Variants in NSG2 observed in about 807,000 individuals in gnomAD.
The protein encoded by NSG2 is neuronal vesicle trafficking associated 2.
NSG2 carries 4 observed loss-of-function variants against 16.9 expected under a neutral mutation model. The observed-to-expected ratio is 0.24, with a 90% CI of 0.12 to 0.54. The LOEUF (loss-of-function observed/expected upper bound fraction) is 0.54. NSG2 is among the 20% of genes least tolerant of loss of function. NSG2 has a pLI of 0.95. For synonymous variants in NSG2, 98 were observed against 88.7 expected (o/e 1.11, Z -0.59); for missense variants, 179 against 221.1 (o/e 0.81, Z 1.21).
chr5:174,082,238 G>T (rs1266136667), intron 3 of NSG2: 1 of 152,194 alleles, frequency 6.6e-6, no homozygotes, highest in African/African-American at 2.4e-5. Flanking sequence ...TCCATGTCCG[G>T]AGCCTTGGGG....
At position 174,107,319 on chromosome 5, in the gene NSG2, A is replaced by T; in HGVS notation, c.330A>T (p.Lys110Asn). The change falls in exon 5 of 5, where the codon AAA becomes AAT. Residue 110 changes from lysine (K) to asparagine (N), a missense_variant. By Grantham distance (94) the Lys-to-Asn change is moderately conservative. Transcript: ENST00000303177. This position sits in a 1 kb window ranked among gnomAD's most constrained non-coding sequence, Gnocchi z 4.5. ...TCTGTCTCTTTCTTCCCCAGCACAA[A>T]CGCTGTATCCCAGCCTCCCTGGATG... Reference protein sequence around the residue: ...SCPEGFVYKHKRCIPASLDAY... With the variant: ...SCPEGFVYKHNRCIPASLDAY... The T allele has an allele frequency of 6.4e-7, 1 of 1,557,624 alleles. No individual in the cohort carries two copies. Among genetic ancestry groups the T allele is most frequent in the South Asian group, 1.2e-5 (1 of 83,666 alleles).
chr5:174,098,945 A>G (rs1363224866), intron 3 of NSG2, among the ~76,000 whole-genome samples: 1 of 152,208 alleles, frequency 6.6e-6, no homozygotes, highest in East Asian at 1.9e-4. Flanking sequence ...CAAGGGCTTT[A>G]GAACGTCTCT....
chr5:174,055,098 C>G (rs1434931662), intron 2 of NSG2, among the ~76,000 whole-genome samples: 2 of 152,128 alleles, frequency 1.3e-5, no homozygotes, highest in African/African-American at 4.8e-5. Flanking sequence ...ACAGGGCTAC[C>G]CCAGGCAGCA....
At position 174,064,281 on chromosome 5, in the gene NSG2, G is replaced by T; in HGVS notation, c.179G>T (p.Gly60Val). The change falls in exon 3 of 5, where the codon GGG becomes GTG. Residue 60 changes from glycine to valine, a missense_variant. By Grantham distance (109) the Gly-to-Val change is moderately radical (BLOSUM62 -3). Coordinates refer to ENST00000303177, the MANE Select transcript of NSG2 (RefSeq NM_015980.5). ...TEYQPEQKNK[G>V]KFRVPKIAEF... ...TATCAGCCGGAACAGAAGAACAAAG[G>T]GAAGTTCCGGGTGCCGAAAATCGCT... 6.2e-7 allele frequency: 1 copy of T among 1,612,042 alleles called. No homozygotes were observed. Among genetic ancestry groups the T allele is most frequent in the Non-Finnish European group, 8.5e-7 (1 of 1,178,676 alleles).
At chr5:174,073,462 G>A (rs1429338218) in intron 3 of NSG2, among the ~76,000 whole-genome samples, 1 of 152,224 alleles carries the variant, frequency 6.6e-6, no homozygotes, top group East Asian at 1.9e-4. Flanking sequence ...TTGCACATGA[G>A]GACTTGGTGG....
chr5:174,072,238 C>A lies in NSG2; in HGVS notation c.213+7923C>A, dbSNP rs768942671. 4.8e-4 allele frequency among the ~76,000 whole-genome samples: 73 copies of A among 152,356 alleles called. No individual in the cohort carries two copies. The Middle Eastern group carries it at 0.014, about 28-fold the overall frequency. The stretch of plus-strand genomic sequence containing the variant: ...AGCAGCCCCAGTCCTTTCTCCTCCC[C>A]TTCTAGAGCACATGCCCCACAGTGG... On this transcript the variant is annotated intron_variant, in intron 3 of 4. Coordinates refer to ENST00000303177, the MANE Select transcript of NSG2 (RefSeq NM_015980.5). The surrounding 1 kb of genome is among the most constrained non-coding windows in gnomAD (Gnocchi z 4.0).
chr5:174,080,216 A>G (rs1331725975), intron 3 of NSG2, among the ~76,000 whole-genome samples: 3 of 151,614 alleles, frequency 2.0e-5, no homozygotes, highest in African/African-American at 7.3e-5. Context: ...ACATCTTTAT[A>G]TCTGTGTAAA....
chr5:174,104,344 A>T lies in NSG2; in HGVS notation c.324+6A>T. 1 of 1,591,566 alleles carries T rather than the reference A, an allele frequency of 6.3e-7. No individual in the cohort carries two copies. The highest frequency in any genetic ancestry group is 2.2e-5 in the East Asian group (1 of 44,808). On this transcript the variant is annotated splice_donor_region_variant and intron_variant, in intron 4 of 4. Transcript: ENST00000303177. ...CAGAGGGATTCGTCTATAAGGTAAG[A>T]GGTGGTTGAGTAGTCCCAGGTCACT...
At chr5:174,074,290 A>G (rs962232752) in intron 3 of NSG2, among the ~76,000 whole-genome samples, 1 of 152,188 alleles carries the variant, frequency 6.6e-6, no homozygotes, top group East Asian at 1.9e-4. Flanking sequence ...AAGCTAACAC[A>G]GTTGTTCCAC....
rs577933064 is a variant in NSG2 at position 174,076,438 on chromosome 5, AAG to A, written c.213+12129_213+12130del. Reference sequence around the variant, plus strand: ...GTACAAGATATGAGACAGGGAAAAAAAGAGAGACGAAGAGAGAGAGAAAAAAA... The same window carrying A: ...GTACAAGATATGAGACAGGGAAAAAAAGAGACGAAGAGAGAGAGAAAAAAA... On this transcript the variant is annotated intron_variant, in intron 3 of 4. Transcript: ENST00000303177. Among the ~76,000 whole-genome samples, 487 of 152,296 alleles carry A rather than the reference AAG, an allele frequency of 3.2e-3. 4 individuals are homozygous for A. The highest frequency in any genetic ancestry group is 0.011 in the African/African-American group (447 of 41,556).
intron 3 of NSG2, among the ~76,000 whole-genome samples, chr5:174,101,130 TG>T: frequency 6.6e-6 from 1 of 152,194 alleles, no homozygotes. Context: ...GCAACTCTCT[TG>T]GCTGGGCCCA....
intron 3 of NSG2, among the ~76,000 whole-genome samples, chr5:174,085,656 G>A (rs1046083027): frequency 6.6e-6 from 1 of 152,150 alleles, no homozygotes; most frequent in Admixed American, 6.5e-5. Flanking sequence ...TTAATTTCCC[G>A]AGTTTCACTT....
Position 174,090,845 on chromosome 5 carries a change from G to T in NSG2, c.214-13383G>T, listed in dbSNP as rs1760709939. The stretch of plus-strand genomic sequence containing the variant: ...AGAGGAGATACTGCTGGGTGTGCTA[G>T]ACTGTGGTATTAGCAGAATTATTCT... On this transcript the variant is annotated intron_variant, in intron 3 of 4. Coordinates refer to ENST00000303177, the MANE Select transcript of NSG2 (RefSeq NM_015980.5). 1.3e-5 allele frequency among the ~76,000 whole-genome samples: 2 copies of T among 152,214 alleles called. 1 individual carries two copies. Among genetic ancestry groups the T allele is most frequent in the South Asian group, 4.1e-4 (2 of 4,830 alleles).
At chr5:174,055,133 C>T (rs1759947779) in intron 2 of NSG2, among the ~76,000 whole-genome samples, 1 of 152,190 alleles carries the variant, frequency 6.6e-6, no homozygotes, top group African/African-American at 2.4e-5. Context: ...GTGACATGGT[C>T]TGGGCCTCTG....
intron 2 of NSG2, among the ~76,000 whole-genome samples, chr5:174,057,127 C>T (rs2113425450): frequency 6.6e-6 from 1 of 152,204 alleles, no homozygotes; most frequent in South Asian, 2.1e-4. Context: ...TTCATTTTTC[C>T]AAATATCCAT....
chr5:174,099,569 T>G (rs1404154725), intron 3 of NSG2, among the ~76,000 whole-genome samples: 1 of 152,168 alleles, frequency 6.6e-6, no homozygotes, highest in Non-Finnish European at 1.5e-5. Context: ...GGCTCCCTGT[T>G]GTCCTTGAGA....
intron 3 of NSG2, among the ~76,000 whole-genome samples, chr5:174,083,616 C>T (rs1370373834): frequency 1.3e-5 from 2 of 152,142 alleles, no homozygotes; most frequent in African/African-American, 4.8e-5. Flanking sequence ...TGCAAAGCTT[C>T]CTTGCAAAGC....
chr5:174,059,108 C>T (rs909589243), intron 2 of NSG2, among the ~76,000 whole-genome samples: 3 of 152,144 alleles, frequency 2.0e-5, no homozygotes, highest in Admixed American at 2.0e-4. Context: ...CCTCTAACCC[C>T]ATGACTGCAA....
At chr5:174,070,228 T>C (rs1252328180) in intron 3 of NSG2, among the ~76,000 whole-genome samples, 1 of 152,128 alleles carries the variant, frequency 6.6e-6, no homozygotes, top group Admixed American at 6.5e-5. Flanking sequence ...ACTTCAGTTA[T>C]AAGACAAATA....
Sources: gnomAD v4.1 joint callset for allele counts (sites outside exome capture counted in the v4.1 genomes callset) on GRCh38, gnomAD v4.1.1 for gene constraint, Gnocchi (gnomAD v3.1) non-coding constraint, MANE v1.5 for transcripts, NCBI Gene and HGNC (gene_info 2026-07-23, HGNC 2026-07-21) for gene names.